RTF2: variants seen among roughly 807,000 people sequenced by gnomAD.
RTF2 encodes the protein replication termination factor 2, also known as UPF0549 protein C20orf43.
Under a neutral mutation model 38.0 loss-of-function variants are expected in RTF2, and 18 were observed. The observed-to-expected ratio is 0.47, with a 90% CI of 0.33 to 0.70. RTF2 has a LOEUF of 0.70. RTF2 is among the 30% of genes least tolerant of loss of function. The probability of loss-of-function intolerance (pLI) is 0.02; values close to 1 mark genes in which losing one functional copy is unlikely to be tolerated. For missense variants in RTF2, 311 were observed against 379.6 expected, an observed-to-expected ratio of 0.82 and a Z score of 1.50; for synonymous variants, 126 against 137.1, an observed-to-expected ratio of 0.92 and a Z score of 0.57.
chr20:56,497,346 C>T lies in RTF2; in HGVS notation c.477+13157C>T, dbSNP rs963402782. 120 of 1,550,100 alleles carry T rather than the reference C, an allele frequency of 7.7e-5. 1 individual carries two copies. The highest frequency in any genetic ancestry group is 1.0e-4 in the Non-Finnish European group (115 of 1,146,826). ...ATGCAGCCCCCGAGAAATCCTGGAG[C>T]AGTTTCCTGGTGTGTGTAAATGAGC... On this transcript the variant is annotated intron_variant, in intron 5 of 8. Transcript: ENST00000357348.
intron 5 of RTF2, among the ~76,000 whole-genome samples, chr20:56,507,037 G>A (rs1984325500): frequency 6.6e-6 from 1 of 152,094 alleles, no homozygotes. Flanking sequence ...CCATTCTTTG[G>A]ACATCTGAGT....
chr20:56,513,223 G>C, intron 5 of RTF2, 92 bp from the exon 6 acceptor site: 1 of 1,492,304 alleles, frequency 6.7e-7, no homozygotes. Context: ...GGAGCCTGGG[G>C]GCCACTGCTT....
Position 56,518,069 on chromosome 20 carries a change from G to A in RTF2, c.743-18G>A, listed in dbSNP as rs181855507. The A allele has an allele frequency of 3.8e-6, 6 of 1,596,312 alleles. No homozygotes were observed. The East Asian group carries it at 1.3e-4, about 36-fold the overall frequency. Reference sequence around the variant, plus strand: ...TCTTTATCCCAACCCTGACAGTTTTGGCTCTTCATTTTTCTAGCAATGAAT... The same window carrying A: ...TCTTTATCCCAACCCTGACAGTTTTAGCTCTTCATTTTTCTAGCAATGAAT... On this transcript the variant is annotated intron_variant, in intron 8 of 8. Transcript: ENST00000357348.
At chr20:56,468,840 A>C in intron 1 of RTF2, 74 bp downstream of exon 1, 1 of 1,286,408 alleles carries the variant, frequency 7.8e-7, no homozygotes. Flanking sequence ...GAGAGGAAGT[A>C]AGAAGGGGGA....
intron 5 of RTF2, chr20:56,491,497 A>C (rs1332307780): frequency 9.5e-7 from 1 of 1,048,642 alleles, no homozygotes; most frequent in Non-Finnish European, 1.4e-6. Context: ...TCTTTGGTTC[A>C]ATGTTCTCTT....
chr20:56,480,786 T>A (rs1406316761), intron 4 of RTF2, among the ~76,000 whole-genome samples: 1 of 152,198 alleles, frequency 6.6e-6, no homozygotes, highest in African/African-American at 2.4e-5. Context: ...AATGGCCAGT[T>A]CATGGAGCAG....
chr20:56,501,156 G>C (rs1467182693), intron 5 of RTF2, among the ~76,000 whole-genome samples: 2 of 151,994 alleles, frequency 1.3e-5, no homozygotes, highest in Admixed American at 6.6e-5. Context: ...ATAACATCTA[G>C]TGGGTAATAT....
At chr20:56,490,317 G>T (rs146525700) in intron 5 of RTF2, among the ~76,000 whole-genome samples, 1 of 152,128 alleles carries the variant, frequency 6.6e-6, no homozygotes, top group African/African-American at 2.4e-5. Context: ...TAATTGTCAC[G>T]CACTTCAGTT....
chr20:56,496,376 T>G (rs142024554), intron 5 of RTF2, among the ~76,000 whole-genome samples: 6,413 of 152,136 alleles, frequency 0.042, 216 homozygotes, highest in Middle Eastern at 0.092. Flanking sequence ...AGACAAACAC[T>G]GTCTCTACTA....
chr20:56,493,035 G>C lies in RTF2; in HGVS notation c.477+8846G>C, dbSNP rs970408738. 8.5e-5 allele frequency among the ~76,000 whole-genome samples: 13 copies of C among 152,184 alleles called. No individual in the cohort carries two copies. In the East Asian group the frequency reaches 1.4e-3, roughly 16 times the overall value. ...TACTAAAAATACAAAAATTAGCTGG[G>C]TGTGGTGGTGCGTGCCTGTAATCCC... On this transcript the variant is annotated intron_variant, in intron 5 of 8. Transcript: ENST00000357348.
At chr20:56,497,192 A>C in intron 5 of RTF2, 1 of 1,551,682 alleles carries the variant, frequency 6.4e-7, no homozygotes, top group Non-Finnish European at 8.7e-7. Context: ...CAACATGAAT[A>C]CAATAAACAT....
At chr20:56,505,774 C>A (rs1011563744) in intron 5 of RTF2, among the ~76,000 whole-genome samples, 1 of 152,096 alleles carries the variant, frequency 6.6e-6, no homozygotes, top group African/African-American at 2.4e-5. Context: ...CGAGCTGAGC[C>A]ACCCATTTCT....
intron 4 of RTF2, among the ~76,000 whole-genome samples, chr20:56,478,438 T>C (rs1488576566): frequency 6.6e-6 from 1 of 152,162 alleles, no homozygotes; most frequent in East Asian, 1.9e-4. Context: ...AAGGCTGCAG[T>C]GAGGTATGAT....
chr20:56,491,634 T>C, intron 5 of RTF2: 1 of 1,551,958 alleles, frequency 6.4e-7, no homozygotes, highest in Non-Finnish European at 8.7e-7. Flanking sequence ...TCTGCCTGCC[T>C]CAGCACTTGA....
intron 1 of RTF2, among the ~76,000 whole-genome samples, 187 bp from the exon 2 acceptor site, chr20:56,473,113 AG>A (rs1448520329): frequency 1.3e-5 from 2 of 152,190 alleles, no homozygotes; most frequent in African/African-American, 4.8e-5. Flanking sequence ...CCTGGGCAAC[AG>A]AGTGAGACCC....
At chr20:56,477,360 A>G (rs890235310) in intron 4 of RTF2, among the ~76,000 whole-genome samples, 1 of 151,890 alleles carries the variant, frequency 6.6e-6, no homozygotes, top group Non-Finnish European at 1.5e-5. Context: ...TGAGGTGGGG[A>G]AACAAAACCT....
rs1600835121 is a variant in RTF2 at position 56,513,185 on chromosome 20, C to G, written c.478-130C>G. ...GGAACTTTCCAAACCAAGGCTTTGACCAGAAAGCCGGTAATAGGAATTTAC... is the reference window on the plus strand; with the variant it reads ...GGAACTTTCCAAACCAAGGCTTTGAGCAGAAAGCCGGTAATAGGAATTTAC... On this transcript the variant is annotated intron_variant, in intron 5 of 8. Transcript: ENST00000357348. The G allele has an allele frequency of 7.0e-6, 9 of 1,285,112 alleles. No homozygotes were observed. The East Asian group carries it at 2.4e-4, about 34-fold the overall frequency. The allele number at this position is 1,285,112 out of a possible 1,614,324, so 79.6% of individuals were successfully genotyped here.
chr20:56,512,447 G>A (rs551227703), intron 5 of RTF2, among the ~76,000 whole-genome samples: 2 of 152,198 alleles, frequency 1.3e-5, no homozygotes, highest in Admixed American at 6.5e-5. Flanking sequence ...AAGAGTGCTG[G>A]GATCCCACCA....
intron 7 of RTF2, 27 bp from the exon 8 acceptor site, chr20:56,517,079 G>T: frequency 6.2e-7 from 1 of 1,612,728 alleles, no homozygotes; most frequent in African/African-American, 1.3e-5. Flanking sequence ...CATTGTTTTT[G>T]CTTTGCCTAC....
Sources: allele counts gnomAD v4.1 joint callset (sites outside exome capture counted in the v4.1 genomes callset), GRCh38; gene constraint gnomAD v4.1.1; transcripts MANE v1.5; gene names NCBI Gene and HGNC (gene_info 2026-07-23, HGNC 2026-07-21).